The following TRPC7 variants were observed in gnomAD, a reference collection of about 807,000 sequenced individuals.
TRPC7 encodes the protein short transient receptor potential channel 7.
Under a neutral mutation model 90.1 loss-of-function variants are expected in TRPC7, and 42 were observed. That is an observed-to-expected ratio of 0.47 (90% CI 0.36 to 0.60). The LOEUF is 0.60. TRPC7 is among the 20% of genes least tolerant of loss of function. TRPC7 has a pLI of 0.00. For synonymous variants in TRPC7, 451 were observed against 436.3 expected, an observed-to-expected ratio of 1.03 and a Z score of -0.42; for missense variants, 955 against 1,112.3, an observed-to-expected ratio of 0.86 and a Z score of 2.01.
chr5:136,341,050 G>A (rs1759828316), intron 2 of TRPC7, among the ~76,000 whole-genome samples: 1 of 152,190 alleles, frequency 6.6e-6, no homozygotes, highest in Non-Finnish European at 1.5e-5. Flanking sequence ...GCTGCCTTCT[G>A]GGAGGGCAAT....
At chr5:136,340,387 C>T (rs1469589624) in intron 2 of TRPC7, among the ~76,000 whole-genome samples, 2 of 151,614 alleles carry the variant, frequency 1.3e-5, no homozygotes, top group Non-Finnish European at 2.9e-5. Context: ...ATCTATTGCA[C>T]AACATGGTAA....
In TRPC7 at chr5:136,274,767, T is replaced by A. The variant is rs1757308278; in HGVS notation, c.1034A>T (p.Gln345Leu). Residue 345 changes from glutamine to leucine, a missense_variant, in exon 4 of 12, where the codon CAA becomes CTA. Around this residue, in one of 4 missense-constraint regions of TRPC7, gnomAD observed 484 missense variants for 509.6 expected, o/e 0.95. Coordinates refer to ENST00000513104, the MANE Select transcript of TRPC7 (RefSeq NM_020389.3). ...MWYENLSGLR[Q>L]QSIAVKFLAV... Reference sequence around the variant, plus strand: ...CAGGAATTTCACAGCGATAGACTGTTGACGTAAGCCTGAGAGATTTTCATA... The same window carrying A: ...CAGGAATTTCACAGCGATAGACTGTAGACGTAAGCCTGAGAGATTTTCATA... 1 of 1,607,546 alleles carries A rather than the reference T, an allele frequency of 6.2e-7. No homozygotes were observed. Among genetic ancestry groups the A allele is most frequent in the Non-Finnish European group, 8.5e-7 (1 of 1,177,104 alleles).
At chr5:136,275,464 T>G (rs2149815742) in intron 3 of TRPC7, among the ~76,000 whole-genome samples, 1 of 152,228 alleles carries the variant, frequency 6.6e-6, no homozygotes, top group Non-Finnish European at 1.5e-5. Flanking sequence ...GTGTTAAAAC[T>G]CCTCAATATT....
intron 3 of TRPC7, among the ~76,000 whole-genome samples, chr5:136,279,024 G>A (rs150121583): frequency 4.7e-4 from 72 of 152,158 alleles, no homozygotes; most frequent in African/African-American, 1.3e-3. Flanking sequence ...GAAGTCTACC[G>A]GGCAGCAAAA....
rs921955028 is a variant in TRPC7 at position 136,213,038 on chromosome 5, G to A, written c.*397C>T. 1.3e-5 allele frequency among the ~76,000 whole-genome samples: 2 copies of A among 152,156 alleles called. No individual in the cohort carries two copies. The highest frequency in any genetic ancestry group is 4.8e-5 in the African/African-American group (2 of 41,432). ...AGGGAGGGAGTGAGAAGGAGTTTGT[G>A]GGTTGAGGTGTTTGTCTTCCCAGGA... On this transcript the variant is annotated 3_prime_UTR_variant, in exon 12 of 12. Transcript: ENST00000513104.
intron 2 of TRPC7, among the ~76,000 whole-genome samples, chr5:136,320,845 G>A (rs1203897317): frequency 6.6e-6 from 1 of 152,134 alleles, no homozygotes; most frequent in African/African-American, 2.4e-5. Flanking sequence ...TTAAAAAAGT[G>A]TGGCTCCTCC....
chr5:136,252,059 C>T (rs59268520), intron 5 of TRPC7, among the ~76,000 whole-genome samples, 177 bp from the exon 6 acceptor site: 18,234 of 152,174 alleles, frequency 0.12, 1,079 homozygotes, highest in African/African-American at 0.15. Flanking sequence ...ACCCAGGAGA[C>T]TCAGAGACTT....
chr5:136,238,621 CT>C (rs67566046), intron 7 of TRPC7, among the ~76,000 whole-genome samples: 67,915 of 151,972 alleles, frequency 0.45, 15,188 homozygotes, highest in East Asian at 0.54. Context: ...ACCCTCTCCC[CT>C]GTCAGACAGT....
intron 7 of TRPC7, among the ~76,000 whole-genome samples, chr5:136,246,167 A>T (rs2149803361): frequency 6.6e-6 from 1 of 152,196 alleles, no homozygotes; most frequent in South Asian, 2.1e-4. Context: ...CTGGACCCCA[A>T]TTTCAGTGTC....
intron 6 of TRPC7, 54 bp downstream of exon 6, chr5:136,251,595 G>C (rs891991902): frequency 1.4e-6 from 2 of 1,390,244 alleles, no homozygotes; most frequent in African/African-American, 1.4e-5. Flanking sequence ...TGAAGCACCA[G>C]GCCCACGTCC....
chr5:136,355,715 A>ACT (rs1364892929), intron 2 of TRPC7, among the ~76,000 whole-genome samples: 14 of 152,130 alleles, frequency 9.2e-5, no homozygotes, highest in African/African-American at 3.4e-4. Context: ...GGAGAATGGC[A>ACT]TGAACCCAGG....
At chr5:136,279,678 C>G (rs1378233393) in intron 3 of TRPC7, among the ~76,000 whole-genome samples, 2 of 152,236 alleles carry the variant, frequency 1.3e-5, no homozygotes, top group Non-Finnish European at 2.9e-5. Context: ...CTCCACCCCA[C>G]TGGAGGCTAT....
intron 1 of TRPC7, among the ~76,000 whole-genome samples, chr5:136,360,189 TACTC>T (rs1358770087): frequency 8.5e-5 from 13 of 152,330 alleles, no homozygotes; most frequent in Non-Finnish European, 1.5e-4. Flanking sequence ...AACACGTAAG[TACTC>T]AATCTAAATT....
chr5:136,358,955 A>G (rs1212633879), intron 1 of TRPC7, among the ~76,000 whole-genome samples: 1 of 152,220 alleles, frequency 6.6e-6, no homozygotes, highest in African/African-American at 2.4e-5. Flanking sequence ...GTCCCAGAGA[A>G]TTGTCTTTTT....
At chr5:136,295,899 C>T (rs185647742) in intron 3 of TRPC7, among the ~76,000 whole-genome samples, 122 of 152,312 alleles carry the variant, frequency 8.0e-4, no homozygotes, top group African/African-American at 2.7e-3. Context: ...TCCTACTGGA[C>T]ACCTCTAACG....
intron 10 of TRPC7, among the ~76,000 whole-genome samples, chr5:136,220,548 C>T (rs1018645460): frequency 1.2e-4 from 18 of 152,202 alleles, no homozygotes; most frequent in African/African-American, 4.3e-4. Context: ...GAGGTCAGAC[C>T]AGTTTTTTGC....
chr5:136,353,772 A>G (rs1007563564), intron 2 of TRPC7, among the ~76,000 whole-genome samples: 3 of 152,226 alleles, frequency 2.0e-5, no homozygotes, highest in Non-Finnish European at 4.4e-5. Flanking sequence ...ATTGATGCAA[A>G]CTCTTATTCC....
At chr5:136,266,142 A>G in intron 5 of TRPC7, 78 bp downstream of exon 5, 1 of 1,319,968 alleles carries the variant, frequency 7.6e-7, no homozygotes, top group Non-Finnish European at 1.1e-6. Context: ...GAGGAGAGGG[A>G]GAAATTCAGA....
intron 2 of TRPC7, among the ~76,000 whole-genome samples, chr5:136,320,485 G>T (rs1213014665): frequency 6.6e-6 from 1 of 152,068 alleles, no homozygotes; most frequent in African/African-American, 2.4e-5. Context: ...AGTAAAAGTG[G>T]GGTCGTCAGT....
Sources: allele counts gnomAD v4.1 joint callset (sites outside exome capture counted in the v4.1 genomes callset), GRCh38; gene constraint gnomAD v4.1.1; regional missense constraint gnomAD v4.1.1; transcripts MANE v1.5; gene names NCBI Gene and HGNC (gene_info 2026-07-23, HGNC 2026-07-21).